The following CAPN12 variants were observed in gnomAD, a reference collection of about 807,000 sequenced individuals.
The protein encoded by CAPN12 is calpain-12.
CAPN12 carries 107 observed loss-of-function variants against 95.0 expected under a neutral mutation model. The ratio of observed to expected loss-of-function variants is 1.13; its 90% CI spans 0.96 to 1.32. The LOEUF (loss-of-function observed/expected upper bound fraction) is 1.32, where lower values mean the gene tolerates loss of function less well. Among genes scored for constraint, CAPN12 ranks in the 40% most tolerant of loss-of-function variants. CAPN12 has a pLI of 0.00. For missense variants in CAPN12, 1,136 were observed against 997.8 expected (o/e 1.14, Z -1.87); for synonymous variants, 505 against 415.5 (o/e 1.22, Z -2.62).
At chr19:38,743,874 G>T in intron 1 of CAPN12, 55 bp downstream of exon 1, 8 of 1,548,540 alleles carry the variant, frequency 5.2e-6, no homozygotes, top group Non-Finnish European at 6.2e-6. Flanking sequence ...AGGAGTCCAT[G>T]CCTCCAGCCC....
upstream of CAPN12, chr19:38,744,500 T>C (rs1197722081): frequency 5.0e-6 from 2 of 400,772 alleles, no homozygotes; most frequent in Non-Finnish European, 9.3e-6. Flanking sequence ...TGCCTACTTA[T>C]GCCTGTGGGG....
At chr19:38,736,657 C>G in intron 10 of CAPN12, 94 bp from the exon 11 acceptor site, 1 of 1,344,750 alleles carries the variant, frequency 7.4e-7, no homozygotes, top group Non-Finnish European at 1.0e-6. Context: ...TGTGCTCTCT[C>G]CCTCCTTCTT....
chr19:38,740,223 T>TG lies in CAPN12; in HGVS notation c.561-5dup, dbSNP rs1568794887. ...CACCTCATAGGAGCCGTGGAGCCTG[T>TG]GGGGGCAGATCTGGGGTGAGGGTTG... On this transcript the variant is annotated splice_region_variant and splice_polypyrimidine_tract_variant and intron_variant, in intron 4 of 20. Transcript: ENST00000328867. 3.1e-6 allele frequency: 5 copies of TG among 1,597,774 alleles called. No homozygotes were observed. The highest frequency in any genetic ancestry group is 1.1e-5 in the South Asian group (1 of 88,136).
chr19:38,731,321 G>C lies in CAPN12; in HGVS notation c.1958-98C>G, dbSNP rs919386992. 24 of 897,204 alleles carry C rather than the reference G, an allele frequency of 2.7e-5. No homozygotes were observed. In the African/African-American group the frequency reaches 3.9e-4, roughly 15 times the overall value. 55.6% of individuals were successfully genotyped at this position (897,204 alleles called of 1,614,324 possible). On this transcript the variant is annotated intron_variant, in intron 18 of 20. Transcript: ENST00000328867. Reference sequence around the variant, plus strand: ...CCTCAGGGAGGACATGAATGCCACAGGGTGTCACACCCCAACTCTGCCCCA... The same window carrying C: ...CCTCAGGGAGGACATGAATGCCACACGGTGTCACACCCCAACTCTGCCCCA...
chr19:38,731,052 C>T, intron 19 of CAPN12, 29 bp from the exon 20 acceptor site: 2 of 1,559,534 alleles, frequency 1.3e-6, no homozygotes, highest in Non-Finnish European at 1.7e-6. Context: ...GGTGAGTGCC[C>T]ACCAGTCCCC....
chr19:38,737,698 G>A lies in CAPN12; in HGVS notation c.966-60C>T, dbSNP rs1262458991. On this transcript the variant is annotated intron_variant, in intron 8 of 20. Transcript: ENST00000328867. ...CACCTCGAGGGGGTCCCAAGATCCC[G>A]GAAATGACTCCCAGATCCCAAAGCC... 13 of 1,464,594 alleles carry A rather than the reference G, an allele frequency of 8.9e-6. No homozygotes were observed. The Admixed American group carries it at 1.9e-4, about 22-fold the overall frequency. The allele number at this position is 1,464,594 out of a possible 1,614,324, so 90.7% of individuals were successfully genotyped here.
intron 18 of CAPN12, among the ~76,000 whole-genome samples, chr19:38,731,973 G>A (rs1365498642): frequency 1.3e-5 from 2 of 152,244 alleles, no homozygotes; most frequent in Non-Finnish European, 1.5e-5. Flanking sequence ...GCATTCATCT[G>A]CCCTCGGGCA....
At chr19:38,739,450 A>C (rs1970416941) in intron 5 of CAPN12, 1 of 94,848 alleles carries the variant, frequency 1.1e-5, no homozygotes, top group Middle Eastern at 6.8e-3. Flanking sequence ...TTCCGTCTCA[A>C]AAAAAAAAAA....
chr19:38,743,200 G>T, intron 1 of CAPN12, 98 bp from the exon 2 acceptor site: 1 of 1,429,638 alleles, frequency 7.0e-7, no homozygotes, highest in Non-Finnish European at 9.8e-7. Flanking sequence ...AGGCCTGGAA[G>T]CCTGTGGGCA....
At position 38,743,115 on chromosome 19, in the gene CAPN12, G is replaced by A. The variant is rs1473421657; in HGVS notation, c.238-13C>T. Reference sequence around the variant, plus strand: ...CAGCACAGAACTCCTGTGGGTGGTGGGGGATTCCAGGCCTCAGCCTGAGAA... The same window carrying A: ...CAGCACAGAACTCCTGTGGGTGGTGAGGGATTCCAGGCCTCAGCCTGAGAA... On this transcript the variant is annotated splice_polypyrimidine_tract_variant and intron_variant, in intron 1 of 20. Coordinates refer to ENST00000328867, the MANE Select transcript of CAPN12 (RefSeq NM_144691.4). 6.2e-7 allele frequency: 1 copy of A among 1,613,994 alleles called. No individual in the cohort carries two copies. Among genetic ancestry groups the A allele is most frequent in the Non-Finnish European group, 8.5e-7 (1 of 1,179,908 alleles).
intron 12 of CAPN12, 84 bp downstream of exon 12, chr19:38,736,023 CGGG>C: frequency 7.2e-6 from 1 of 138,968 alleles, no homozygotes; most frequent in Non-Finnish European, 1.2e-5. Context: ...TCGGGGGTCT[CGGG>C]GGTCTCGGGG....
intron 12 of CAPN12, 21 bp from the exon 13 acceptor site, chr19:38,735,565 G>A (rs1465388121): frequency 1.9e-6 from 3 of 1,607,476 alleles, no homozygotes; most frequent in Admixed American, 3.4e-5. Context: ...CAGATGGGAA[G>A]TGGGGAGGGG....
Position 38,730,313 on chromosome 19 carries a change from G to A in CAPN12, c.*539C>T, listed in dbSNP as rs1969479791. The A allele has an allele frequency of 1.2e-5, 2 of 164,328 alleles. No homozygotes were observed. The highest frequency in any genetic ancestry group is 3.1e-4 in the South Asian group (2 of 6,506). The allele number at this position is 164,328 out of a possible 1,614,324, so 10.2% of individuals were successfully genotyped here. On this transcript the variant is annotated 3_prime_UTR_variant, in exon 21 of 21. Transcript: ENST00000328867. ...AAGACATAGCCGATTCTCTGCCCGG[G>A]CCCCTTGCTGATGCTCCTCCGGGTC... is the stretch of plus-strand genomic sequence containing the variant.
Position 38,742,538 on chromosome 19 carries a change from G to C in CAPN12, c.308-10C>G, listed in dbSNP as rs920748611. ...AGGAACCAGCAGTTACCTGGGAGGA[G>C]AGGCCAGGATTAGGTGAGGATGGAA... On this transcript the variant is annotated splice_polypyrimidine_tract_variant and intron_variant, in intron 2 of 20. Transcript: ENST00000328867. 1.3e-6 allele frequency: 2 copies of C among 1,590,970 alleles called. No individual in the cohort carries two copies. Among genetic ancestry groups the C allele is most frequent in the African/African-American group, 1.3e-5 (1 of 74,224 alleles).
chr19:38,736,906 A>ACCCCAGGAAGCCTCTCAGGGCCCCTCAG, intron 10 of CAPN12: 12 of 152,906 alleles, frequency 7.8e-5, no homozygotes, highest in South Asian at 5.9e-4. Flanking sequence ...CTGGCCCCCC[A>ACCCCAGGAAGCCTCTCAGGGCCCCTCAG]GCCCTACTAG....
chr19:38,730,276 G>C lies in CAPN12; in HGVS notation c.*576C>G, dbSNP rs1049150087. On this transcript the variant is annotated 3_prime_UTR_variant, in exon 21 of 21. Transcript: ENST00000328867. ...GCAACATATCTCTGCCGTCTCTCCT[G>C]CTCTCATAATGAAGACATAGCCGAT... The C allele has an allele frequency of 6.2e-6, 1 of 161,742 alleles. No individual in the cohort carries two copies. Among genetic ancestry groups the C allele is most frequent in the Non-Finnish European group, 1.4e-5 (1 of 73,528 alleles). 10.0% of individuals were successfully genotyped at this position (161,742 alleles called of 1,614,324 possible).
In CAPN12 at chr19:38,741,852, T is replaced by C. The variant is rs756845659; in HGVS notation, c.485A>G (p.Glu162Gly). The change falls in exon 4 of 21, where the codon GAG (glutamate) becomes GGG (glycine). Residue 162 changes from glutamate to glycine, a missense_variant. Glu to Gly is a moderately conservative substitution (Grantham distance 98). Coordinates refer to ENST00000328867, the MANE Select transcript of CAPN12 (RefSeq NM_144691.4). ...CGAGCGCACGAACATCAGCTTCCCCTCACGCACGGGCAGCCTGTCATCCAC... is the reference window on the plus strand; with the variant it reads ...CGAGCGCACGAACATCAGCTTCCCCCCACGCACGGGCAGCCTGTCATCCAC... ...VVVDDRLPVR[E>G]GKLMFVRSEQ... is the part of the protein sequence containing the mutation. 5.0e-6 allele frequency: 8 copies of C among 1,613,942 alleles called. No homozygotes were observed. The highest frequency in any genetic ancestry group is 1.1e-5 in the South Asian group (1 of 91,070).
chr19:38,736,628 C>T lies in CAPN12; in HGVS notation c.1363-65G>A. On this transcript the variant is annotated intron_variant, in intron 10 of 20. Coordinates refer to ENST00000328867, the MANE Select transcript of CAPN12 (RefSeq NM_144691.4). Reference sequence around the variant, plus strand: ...AGGTGGCCGCCGCTCAGGGTCTCCTCCCTGCCCCTTCTCACCTCTGTGCTC... The same window carrying T: ...AGGTGGCCGCCGCTCAGGGTCTCCTTCCTGCCCCTTCTCACCTCTGTGCTC... The T allele has an allele frequency of 2.2e-6, 3 of 1,376,690 alleles. 1 individual carries two copies. In the Admixed American group the frequency reaches 6.5e-5, roughly 30 times the overall value. 85.3% of individuals were successfully genotyped at this position (1,376,690 alleles called of 1,614,324 possible).
Position 38,731,062 on chromosome 19 carries a change from C to T in CAPN12, c.2075-39G>A, listed in dbSNP as rs558800611. The stretch of plus-strand genomic sequence containing the variant: ...GGCAGGGTGAGTGCCCACCAGTCCC[C>T]GTACCCCTTCCCCCCATGCCCCACC... On this transcript the variant is annotated intron_variant, in intron 19 of 20. Coordinates refer to ENST00000328867, the MANE Select transcript of CAPN12 (RefSeq NM_144691.4). 96 of 1,564,518 alleles carry T rather than the reference C, an allele frequency of 6.1e-5. No homozygotes were observed. In the South Asian group the frequency reaches 8.6e-4, roughly 14 times the overall value.
Sources: allele counts gnomAD v4.1 joint callset (sites outside exome capture counted in the v4.1 genomes callset), GRCh38; gene constraint gnomAD v4.1.1; transcripts MANE v1.5; gene names NCBI Gene and HGNC (gene_info 2026-07-23, HGNC 2026-07-21).